OTOG: variants seen among roughly 807,000 people sequenced by gnomAD.
OTOG encodes otogelin.
A neutral mutation model predicts 313.8 loss-of-function variants in OTOG; 296 were observed. That is an observed-to-expected ratio of 0.94 (90% confidence interval 0.86 to 1.04). The LOEUF (loss-of-function observed/expected upper bound fraction) is 1.04. OTOG is among the 50% of genes least tolerant of loss of function. OTOG has a pLI of 0.00. For missense variants in OTOG, 3,948 were observed against 3,840.1 expected, an observed-to-expected ratio of 1.03 and a Z score of -0.74; for synonymous variants, 1,533 against 1,554.9, an observed-to-expected ratio of 0.99 and a Z score of 0.33.
intron 33 of OTOG, 150 bp downstream of exon 33, chr11:17,606,285 A>T: frequency 9.1e-7 from 1 of 1,094,806 alleles, no homozygotes; most frequent in Non-Finnish European, 1.3e-6. Context: ...CCACCCTGAG[A>T]TGAGAGGTGG....
intron 30 of OTOG, among the ~76,000 whole-genome samples, chr11:17,597,797 A>G (rs1565110246): frequency 6.6e-6 from 1 of 152,232 alleles, no homozygotes; most frequent in Non-Finnish European, 1.5e-5. Context: ...TGCGATGGCC[A>G]TTACACAGCC....
At chr11:17,585,573 A>G (rs1045892791) in intron 23 of OTOG, among the ~76,000 whole-genome samples, 3 of 152,108 alleles carry the variant, frequency 2.0e-5, no homozygotes, top group Non-Finnish European at 2.9e-5. Flanking sequence ...TTGTATTTCT[A>G]ATTTAGAACT....
At chr11:17,591,878 T>C (rs1852950412) in intron 25 of OTOG, among the ~76,000 whole-genome samples, 1 of 152,262 alleles carries the variant, frequency 6.6e-6, no homozygotes, top group African/African-American at 2.4e-5. Flanking sequence ...TGAGCTTTAT[T>C]ATGTACCTAG....
At chr11:17,594,551 G>A (rs1853042978) in intron 28 of OTOG, among the ~76,000 whole-genome samples, 1 of 152,180 alleles carries the variant, frequency 6.6e-6, no homozygotes, top group Admixed American at 6.5e-5. Context: ...GCTTCCTGAA[G>A]GAGATGAGAG....
Position 17,572,120 on chromosome 11 carries a change from G to A in OTOG, c.1996G>A (p.Gly666Ser). Residue 666 changes from glycine (G) to serine (S), a missense_variant, in exon 18 of 56, where the codon GGC (glycine) becomes AGC (serine). Coordinates refer to ENST00000399397, the MANE Select transcript of OTOG (RefSeq NM_001292063.2). ...ACCTGAGAGCACCCCACAACTTTTT[G>A]GCAATTCCTGGAAAACACTTTCTGC... ...GVPESTPQLF[G>S]NSWKTLSACS... is the part of the protein sequence containing the mutation. The A allele has an allele frequency of 6.4e-7, 1 of 1,550,468 alleles. No individual in the cohort carries two copies. The highest frequency in any genetic ancestry group is 8.7e-7 in the Non-Finnish European group (1 of 1,146,946).
chr11:17,613,312 TC>T (rs995045421), intron 38 of OTOG, among the ~76,000 whole-genome samples: 3 of 139,696 alleles, frequency 2.1e-5, no homozygotes, highest in African/African-American at 8.8e-5. Flanking sequence ...CTTCTTTCCC[TC>T]CCTCTCTGCC....
At chr11:17,619,544 CT>C (rs1853811372) in intron 39 of OTOG, among the ~76,000 whole-genome samples, 1 of 151,772 alleles carries the variant, frequency 6.6e-6, no homozygotes, top group African/African-American at 2.4e-5. Flanking sequence ...GGATTATTGT[CT>C]GTACTTTTTT....
At chr11:17,561,543 C>A in intron 14 of OTOG, 119 bp from the exon 15 acceptor site, 1 of 1,103,928 alleles carries the variant, frequency 9.1e-7, no homozygotes, top group Non-Finnish European at 1.3e-6. Flanking sequence ...AGGCCTCATT[C>A]CTTATACTGC....
intron 12 of OTOG, among the ~76,000 whole-genome samples, chr11:17,560,227 A>G (rs1474204957): frequency 6.6e-6 from 1 of 152,240 alleles, no homozygotes; most frequent in Non-Finnish European, 1.5e-5. Flanking sequence ...TAAAAAATAT[A>G]AAAATAAAGC....
chr11:17,582,246 G>A (rs914289415), intron 23 of OTOG, among the ~76,000 whole-genome samples: 18 of 152,016 alleles, frequency 1.2e-4, no homozygotes, highest in Admixed American at 5.2e-4. Flanking sequence ...CCGGCTTTTT[G>A]TCACTATATA....
At chr11:17,613,191 TTTCTTTTCTTTCTTTC>T (rs1238358773) in intron 38 of OTOG, among the ~76,000 whole-genome samples, 22 of 98,524 alleles carry the variant, frequency 2.2e-4, no homozygotes, top group African/African-American at 1.0e-3. Context: ...TCTTTCTTTC[TTTCTTTTCTTTCTTTC>T]TTTCTTTCTT....
intron 54 of OTOG, among the ~76,000 whole-genome samples, chr11:17,644,782 C>T (rs767945351): frequency 7.9e-5 from 12 of 152,118 alleles, no homozygotes; most frequent in African/African-American, 1.4e-4. Flanking sequence ...TCGTAATTAC[C>T]GATGTGTCTC....
At chr11:17,575,296 A>G (rs541373171) in intron 20 of OTOG, among the ~76,000 whole-genome samples, 1 of 152,232 alleles carries the variant, frequency 6.6e-6, no homozygotes, top group Admixed American at 6.5e-5. Flanking sequence ...CTCACATTCT[A>G]GGGTTGCAAG....
At chr11:17,611,584 C>T (rs569367651) in intron 36 of OTOG, among the ~76,000 whole-genome samples, 161 bp downstream of exon 36, 1 of 152,362 alleles carries the variant, frequency 6.6e-6, no homozygotes, top group East Asian at 1.9e-4. Context: ...GATGCCATAG[C>T]AGGGTTCCGC....
chr11:17,567,260 A>G (rs191165666), intron 15 of OTOG, among the ~76,000 whole-genome samples: 56 of 152,354 alleles, frequency 3.7e-4, no homozygotes, highest in African/African-American at 1.1e-3. Flanking sequence ...GATGTTTTAG[A>G]TACAATGATT....
intron 6 of OTOG, among the ~76,000 whole-genome samples, chr11:17,553,955 C>G (rs1020306518): frequency 2.6e-5 from 4 of 152,172 alleles, no homozygotes; most frequent in African/African-American, 9.7e-5. Context: ...AAAACCTAAT[C>G]CTGTTTATTC....
chr11:17,640,867 G>A (rs1376682192), intron 50 of OTOG, 46 bp from the exon 51 acceptor site: 1 of 1,549,580 alleles, frequency 6.5e-7, no homozygotes, highest in Non-Finnish European at 8.7e-7. Flanking sequence ...AGGGGCATGG[G>A]TGCCTGGGCT....
Position 17,604,011 on chromosome 11 carries a change from G to A in OTOG, c.3877+1634G>A, listed in dbSNP as rs533296318. On this transcript the variant is annotated intron_variant, in intron 32 of 55. Coordinates refer to ENST00000399397, the MANE Select transcript of OTOG (RefSeq NM_001292063.2). Reference sequence around the variant, plus strand: ...CATTTAATCCTCATGACAATCTTAGGAGGTAGGGACTATTATTTTCCCAAT... The same window carrying A: ...CATTTAATCCTCATGACAATCTTAGAAGGTAGGGACTATTATTTTCCCAAT... Among the ~76,000 whole-genome samples the A allele has an allele frequency of 3.9e-5, 6 of 152,308 alleles. 1 individual carries two copies. The South Asian group carries it at 1.2e-3, about 32-fold the overall frequency.
chr11:17,633,911 A>G, intron 43 of OTOG, 37 bp downstream of exon 43: 2 of 1,497,604 alleles, frequency 1.3e-6, no homozygotes, highest in Non-Finnish European at 1.8e-6. Context: ...GGGCCTCCAA[A>G]GCCAGCCTCA....
Sources: gnomAD v4.1 joint callset for allele counts (sites outside exome capture counted in the v4.1 genomes callset) on GRCh38, gnomAD v4.1.1 for gene constraint, MANE v1.5 for transcripts, NCBI Gene and HGNC (gene_info 2026-07-23, HGNC 2026-07-21) for gene names.